EIF5B: variants seen among roughly 807,000 people sequenced by gnomAD.
EIF5B encodes the protein eukaryotic translation initiation factor 5B, also known as eIF-5B.
EIF5B carries 47 observed loss-of-function variants against 147.5 expected under a neutral mutation model. The ratio of observed to expected loss-of-function variants is 0.32; its 90% CI spans 0.25 to 0.41. EIF5B has a LOEUF of 0.41. EIF5B is among the 10% of genes least tolerant of loss of function. The probability of loss-of-function intolerance (pLI) is 1.00; values close to 1 mark genes in which losing one functional copy is unlikely to be tolerated. For synonymous variants in EIF5B, 455 were observed against 456.2 expected, an observed-to-expected ratio of 1.00 and a Z score of 0.03; for missense variants, 1,064 against 1,413.2, an observed-to-expected ratio of 0.75 and a Z score of 3.96.
rs368501708 is a variant in EIF5B, at chr2:99,363,706, A to C, written c.981A>C (p.Glu327Asp). 1.4e-5 allele frequency: 22 copies of C among 1,602,382 alleles called. No individual in the cohort carries two copies. The highest frequency in any genetic ancestry group is 1.6e-5 in the Non-Finnish European group (19 of 1,177,420). ...AGAAAAAGAAAGGAGAAAAGGAAGA[A>C]AAAGAGAAAGAGAAGAAAAAAGGAC... ...DKKKKKGEKEEKEKEKKKGPS... is the reference protein window; with the variant it reads ...DKKKKKGEKEDKEKEKKKGPS... Residue 327 changes from glutamate to aspartate, a missense_variant, in exon 5 of 24, where the codon GAA becomes GAC. By Grantham distance (45) the Glu-to-Asp change is conservative. Transcript: ENST00000289371.
rs140122665 is a variant in EIF5B, at chr2:99,339,744, T to G, written c.35+2155T>G. Among the ~76,000 whole-genome samples the G allele has an allele frequency of 6.2e-3, 950 of 152,240 alleles. 7 individuals are homozygous for G. The highest frequency in any genetic ancestry group is 0.021 in the African/African-American group (869 of 41,532). ...AAAAAGCCATTGGGAGACAAGATGT[T>G]TATTCTTGTCTGTGTCTTTTTAGGG... On this transcript the variant is annotated intron_variant, in intron 1 of 23. Transcript: ENST00000289371.
intron 9 of EIF5B, 124 bp downstream of exon 9, chr2:99,371,854 C>A: frequency 1.3e-6 from 1 of 784,856 alleles, no homozygotes; most frequent in Non-Finnish European, 1.8e-6. Context: ...AGGGATAAGT[C>A]TCTTGTTCTC....
In EIF5B at chr2:99,360,489, G is replaced by T. The variant is rs753458115; in HGVS notation, c.186G>T (p.Leu62=). The T allele has an allele frequency of 1.2e-6, 2 of 1,613,440 alleles. No individual in the cohort carries two copies. The highest frequency in any genetic ancestry group is 1.7e-6 in the Non-Finnish European group (2 of 1,179,752). ...DFDEDDILKE[L]EELSLEAQGI... ...GTGAAGATGATATCCTGAAAGAACT[G>T]GAAGAATTGTCTTTGGAAGCTCAAG... The change falls in exon 3 of 24, where the codon CTG becomes CTT. Residue 62 remains leucine (L), a synonymous_variant. Coordinates refer to ENST00000289371, the MANE Select transcript of EIF5B (RefSeq NM_015904.4).
chr2:99,393,425 G>A (rs1674977385), intron 18 of EIF5B, among the ~76,000 whole-genome samples: 1 of 152,012 alleles, frequency 6.6e-6, no homozygotes, highest in Non-Finnish European at 1.5e-5. Context: ...AGAATCACTT[G>A]AACCTGGGAG....
At chr2:99,365,522 A>C (rs1674307481) in intron 6 of EIF5B, among the ~76,000 whole-genome samples, 2 of 152,238 alleles carry the variant, frequency 1.3e-5, no homozygotes, top group African/African-American at 2.4e-5. Context: ...GCATTCATAC[A>C]TCAGATTTCA....
intron 1 of EIF5B, among the ~76,000 whole-genome samples, chr2:99,353,551 A>G (rs767684704): frequency 2.0e-5 from 3 of 152,200 alleles, no homozygotes; most frequent in Non-Finnish European, 4.4e-5. Context: ...GTGTGTTTAT[A>G]TATTTAGTTC....
intron 1 of EIF5B, among the ~76,000 whole-genome samples, chr2:99,357,972 T>C (rs1477556553): frequency 6.6e-6 from 1 of 152,228 alleles, no homozygotes; most frequent in Non-Finnish European, 1.5e-5. Flanking sequence ...CAGGTGCTCA[T>C]TGTTTCTCAT....
At chr2:99,343,289 T>C (rs186534511) in intron 1 of EIF5B, among the ~76,000 whole-genome samples, 237 of 151,314 alleles carry the variant, frequency 1.6e-3, no homozygotes, top group African/African-American at 5.2e-3. Context: ...TTGTAAGAGG[T>C]CTTGATATAG....
chr2:99,365,700 G>T (rs1246514872), intron 6 of EIF5B, among the ~76,000 whole-genome samples: 2 of 152,128 alleles, frequency 1.3e-5, no homozygotes, highest in Non-Finnish European at 2.9e-5. Context: ...TTTAGCATTA[G>T]GCTTGTAAGA....
At chr2:99,397,141 C>T (rs1574943599) in intron 22 of EIF5B, 1 of 337,142 alleles carries the variant, frequency 3.0e-6, no homozygotes, top group Non-Finnish European at 5.3e-6. Flanking sequence ...TATCAGTGCT[C>T]CATAGTCAGT....
At chr2:99,387,803 C>T (rs1233711900) in intron 14 of EIF5B, among the ~76,000 whole-genome samples, 1 of 152,124 alleles carries the variant, frequency 6.6e-6, no homozygotes, top group Admixed American at 6.5e-5. Context: ...TGTACATTTA[C>T]TTAGTCCTCT....
chr2:99,393,469 G>A (rs1674978664), intron 18 of EIF5B, among the ~76,000 whole-genome samples: 1 of 151,674 alleles, frequency 6.6e-6, no homozygotes, highest in African/African-American at 2.4e-5. Flanking sequence ...TCGTGCCACT[G>A]CACTCCAACC....
intron 23 of EIF5B, 42 bp downstream of exon 23, chr2:99,398,951 A>G: frequency 1.9e-6 from 3 of 1,594,902 alleles, no homozygotes; most frequent in Non-Finnish European, 2.6e-6. Flanking sequence ...AGCAACAGGG[A>G]ATCACTCTTC....
chr2:99,367,802 TTGGAAAA>T (rs1674361806), intron 6 of EIF5B, among the ~76,000 whole-genome samples: 1 of 152,114 alleles, frequency 6.6e-6, no homozygotes, highest in South Asian at 2.1e-4. Context: ...TATAGCCACT[TTGGAAAA>T]CAACTGGCAG....
At position 99,396,912 on chromosome 2, in the gene EIF5B, G is replaced by T; in HGVS notation, c.3393+14G>T. 30 of 1,588,832 alleles carry T rather than the reference G, an allele frequency of 1.9e-5. No individual in the cohort carries two copies. Among genetic ancestry groups the T allele is most frequent in the Non-Finnish European group, 2.5e-5 (29 of 1,172,096 alleles). ...CCAAGCAAAAATGTAAGTTCTAGTT[G>T]TACATTCTGTGGGTCATTTCTTAAA... On this transcript the variant is annotated intron_variant, in intron 22 of 23. Transcript: ENST00000289371.
chr2:99,360,155 G>T, intron 1 of EIF5B, 81 bp from the exon 2 acceptor site: 1 of 1,485,262 alleles, frequency 6.7e-7, no homozygotes, highest in Middle Eastern at 2.4e-4. Context: ...GCATGAAAAA[G>T]GTTAAAATGA....
At chr2:99,342,808 A>T (rs1029208872) in intron 1 of EIF5B, among the ~76,000 whole-genome samples, 4 of 151,594 alleles carry the variant, frequency 2.6e-5, no homozygotes, top group African/African-American at 9.7e-5. Flanking sequence ...ATTTTTAAAA[A>T]TTTTTTGTAG....
intron 13 of EIF5B, among the ~76,000 whole-genome samples, chr2:99,382,474 A>G (rs1177914750): frequency 6.6e-6 from 1 of 152,182 alleles, no homozygotes; most frequent in African/African-American, 2.4e-5. Context: ...TGCCAGGCCT[A>G]TCTCCTGTAA....
intron 1 of EIF5B, among the ~76,000 whole-genome samples, chr2:99,357,096 C>T (rs1419367790): frequency 1.3e-5 from 2 of 152,122 alleles, no homozygotes; most frequent in Admixed American, 6.5e-5. Context: ...TGGTCTGTTG[C>T]CTTGATCTGT....
Sources: gnomAD v4.1 joint callset for allele counts (sites outside exome capture counted in the v4.1 genomes callset) on GRCh38, gnomAD v4.1.1 for gene constraint, MANE v1.5 for transcripts, NCBI Gene and HGNC (gene_info 2026-07-23, HGNC 2026-07-21) for gene names.